The following CLVS1 variants were observed in gnomAD, a reference collection of about 807,000 sequenced individuals.
CLVS1 encodes clavesin 1, also known as clavesin-1.
Under a neutral mutation model 33.1 loss-of-function variants are expected in CLVS1, and 10 were observed. That is an observed-to-expected ratio of 0.30 (90% CI 0.19 to 0.51). CLVS1 has a LOEUF of 0.51. CLVS1 is among the 20% of genes least tolerant of loss of function. The pLI, the probability that CLVS1 is intolerant of heterozygous loss-of-function variation, is 0.97. For synonymous variants in CLVS1, 163 were observed against 166.1 expected, an observed-to-expected ratio of 0.98 and a Z score of 0.14; for missense variants, 343 against 433.4, an observed-to-expected ratio of 0.79 and a Z score of 1.85.
At chr8:61,460,209 G>GA (rs1817324573) in intron 5 of CLVS1, among the ~76,000 whole-genome samples, 1 of 151,972 alleles carries the variant, frequency 6.6e-6, no homozygotes, top group Non-Finnish European at 1.5e-5. Flanking sequence ...AATATTTGTG[G>GA]AAAAATAAGA....
At chr8:61,251,363 C>A (rs757586349) in intron 2 of CLVS1, among the ~76,000 whole-genome samples, 2 of 151,904 alleles carry the variant, frequency 1.3e-5, no homozygotes, top group African/African-American at 4.8e-5. Context: ...GGGATATTGG[C>A]GTGAAATTTT....
intron 5 of CLVS1, among the ~76,000 whole-genome samples, chr8:61,484,206 C>G (rs1246581870): frequency 6.6e-6 from 1 of 152,194 alleles, no homozygotes; most frequent in Non-Finnish European, 1.5e-5. Flanking sequence ...ATCATCTCAG[C>G]CCTAAATCTC....
At chr8:61,447,210 GTCTATT>G (rs1816786908) in intron 3 of CLVS1, among the ~76,000 whole-genome samples, 1 of 152,168 alleles carries the variant, frequency 6.6e-6, no homozygotes, top group Non-Finnish European at 1.5e-5. Context: ...TTGTGGATTT[GTCTATT>G]TCTTTTTCCA....
chr8:61,220,492 GTC>G (rs906113725), intron 2 of CLVS1, among the ~76,000 whole-genome samples: 2 of 151,998 alleles, frequency 1.3e-5, no homozygotes, highest in Non-Finnish European at 2.9e-5. Flanking sequence ...TATTTCTGAG[GTC>G]TCTGTTCTGC....
At chr8:61,303,522 A>T (rs1231286373) in intron 2 of CLVS1, among the ~76,000 whole-genome samples, 1 of 152,206 alleles carries the variant, frequency 6.6e-6, no homozygotes, top group Non-Finnish European at 1.5e-5. Flanking sequence ...TTTTCAAAGT[A>T]ATCTCTTTTT....
At chr8:61,030,502 A>T in the CLVS1 span, among the ~76,000 whole-genome samples, 1 of 151,968 alleles carries the variant, frequency 6.6e-6, no homozygotes. Flanking sequence ...TATTCTACAC[A>T]CTCTGTGTTC....
intron 2 of CLVS1, among the ~76,000 whole-genome samples, chr8:61,355,024 G>C (rs571148770): frequency 6.6e-6 from 1 of 152,236 alleles, no homozygotes; most frequent in East Asian, 1.9e-4. Context: ...AAAGTATTCT[G>C]TTCTTCCCTG....
intron 2 of CLVS1, among the ~76,000 whole-genome samples, chr8:61,250,088 T>C (rs1324669831): frequency 6.6e-6 from 1 of 152,196 alleles, no homozygotes; most frequent in East Asian, 1.9e-4. Context: ...GGGTTGATTT[T>C]TTTGTATAAG....
intron 2 of CLVS1, among the ~76,000 whole-genome samples, chr8:61,158,243 C>T (rs1265851040): frequency 6.6e-6 from 1 of 152,128 alleles, no homozygotes; most frequent in Non-Finnish European, 1.5e-5. Flanking sequence ...TGTGATTCTA[C>T]TCATATAAGA....
chr8:61,170,786 G>C (rs1315784320), intron 2 of CLVS1, among the ~76,000 whole-genome samples: 2 of 152,174 alleles, frequency 1.3e-5, no homozygotes, highest in Non-Finnish European at 2.9e-5. Flanking sequence ...AAGCATCATA[G>C]CATGATTTTC....
chr8:61,287,493 T>C (rs1331188207), upstream of CLVS1, among the ~76,000 whole-genome samples: 1 of 152,210 alleles, frequency 6.6e-6, no homozygotes, highest in African/African-American at 2.4e-5. Context: ...TTTTCTTTTT[T>C]ATGTCTTCTA....
Position 61,262,068 on chromosome 8 carries a change from T to G in CLVS1, c.-151-37609T>G, listed in dbSNP as rs192415367. 2.6e-5 allele frequency among the ~76,000 whole-genome samples: 4 copies of G among 151,660 alleles called. No homozygotes were observed. The East Asian group carries it at 7.8e-4, about 30-fold the overall frequency. On this transcript the variant is annotated intron_variant, in intron 2 of 2. Transcript: ENST00000522621. ...TCTTCTTCTGTTGCTCAGGTTGGAA[T>G]GCAATGTTGCAATCATAGCTCACTG... is the stretch of plus-strand genomic sequence containing the variant.
intron 2 of CLVS1, among the ~76,000 whole-genome samples, chr8:61,374,530 T>A (rs1409942974): frequency 2.0e-5 from 3 of 152,218 alleles, no homozygotes; most frequent in Non-Finnish European, 2.9e-5. Context: ...TTGCTTCCAA[T>A]ACAAAGCTGT....
intron 1 of CLVS1, among the ~76,000 whole-genome samples, chr8:61,080,617 C>T (rs1299540812): frequency 6.6e-6 from 1 of 152,202 alleles, no homozygotes; most frequent in Non-Finnish European, 1.5e-5. Flanking sequence ...CTTAAAATAA[C>T]TTGCTTTTGG....
the CLVS1 span, among the ~76,000 whole-genome samples, chr8:61,033,161 A>AAGAAAGAAAGAAAAAGAAAG: frequency 1.1e-4 from 10 of 92,128 alleles, 2 homozygotes; most frequent in African/African-American, 4.0e-4. Flanking sequence ...GAAAGAAAGA[A>AAGAAAGAAAGAAAAAGAAAG]AAAGAAAGAA....
rs1006837676 is a variant in CLVS1 at position 61,166,334 on chromosome 8, C to T, written c.-152+34474C>T. ...GTACAGACGGGATTTCACCATGTTGCCCACAATTTTTTTGGTCTCAAATTT... is the reference window on the plus strand; with the variant it reads ...GTACAGACGGGATTTCACCATGTTGTCCACAATTTTTTTGGTCTCAAATTT... On this transcript the variant is annotated intron_variant, in intron 2 of 2. Transcript: ENST00000522621. 2.0e-5 allele frequency among the ~76,000 whole-genome samples: 3 copies of T among 151,716 alleles called. No individual in the cohort carries two copies. The South Asian group carries it at 6.3e-4, about 32-fold the overall frequency.
At chr8:61,035,747 T>A in the CLVS1 span, among the ~76,000 whole-genome samples, 1 of 152,156 alleles carries the variant, frequency 6.6e-6, no homozygotes, top group Non-Finnish European at 1.5e-5. Flanking sequence ...TGATGATACG[T>A]TATGTCTTAA....
the CLVS1 span, among the ~76,000 whole-genome samples, chr8:61,045,693 A>G: frequency 6.6e-6 from 1 of 152,182 alleles, no homozygotes; most frequent in Non-Finnish European, 1.5e-5. Flanking sequence ...TGTCATCATG[A>G]CTGACTGAGG....
chr8:61,382,354 T>C (rs919658745), intron 3 of CLVS1, among the ~76,000 whole-genome samples: 1 of 152,178 alleles, frequency 6.6e-6, no homozygotes, highest in Non-Finnish European at 1.5e-5. Flanking sequence ...ATGGGTCAGC[T>C]AGTCTTCTAA....
Sources: allele counts gnomAD v4.1 joint callset (sites outside exome capture counted in the v4.1 genomes callset), GRCh38; gene constraint gnomAD v4.1.1; transcripts MANE v1.5; gene names NCBI Gene and HGNC (gene_info 2026-07-23, HGNC 2026-07-21).